FAM83D: variants seen among roughly 807,000 people sequenced by gnomAD.
The protein encoded by FAM83D is protein FAM83D.
In FAM83D, 26 loss-of-function variants were observed where a neutral mutation model predicts 25.4. That is an observed-to-expected ratio of 1.02 (90% CI 0.75 to 1.42). The LOEUF (loss-of-function observed/expected upper bound fraction) is 1.42. FAM83D is among the 40% of genes most tolerant of loss of function. The pLI is 0.00. For synonymous variants in FAM83D, 310 were observed against 318.5 expected (o/e 0.97, Z 0.28); for missense variants, 740 against 758.1 (o/e 0.98, Z 0.28).
Position 38,926,920 on chromosome 20 carries a change from C to T in FAM83D, c.478C>T (p.Arg160Ter). Residue 160 changes from arginine (R) to a stop codon, truncating the protein, a stop_gained, in exon 1 of 4, where the codon CGA becomes TGA. Coordinates refer to ENST00000619850, the MANE Select transcript of FAM83D (RefSeq NM_030919.3). LOFTEE classifies it high-confidence loss of function. ...DALRQQLRSA[R>*]EVIAVVMDVF... ...TCTGCGCCAGCAGCTCCGCTCGGCG[C>T]GAGAGGTGAGCGGCCCTCCAGGGCC... 6.9e-7 allele frequency: 1 copy of T among 1,451,974 alleles called. No individual in the cohort carries two copies. The allele number at this position is 1,451,974 out of a possible 1,614,324, so 89.9% of individuals were successfully genotyped here.
At chr20:38,932,206 C>T (rs1048257042) in intron 1 of FAM83D, among the ~76,000 whole-genome samples, 44 of 152,028 alleles carry the variant, frequency 2.9e-4, no homozygotes, top group African/African-American at 9.9e-4. Flanking sequence ...GGCAACATAG[C>T]GAGATCCCAT....
intron 2 of FAM83D, 138 bp downstream of exon 2, chr20:38,942,264 T>G: frequency 1.1e-6 from 1 of 905,728 alleles, no homozygotes; most frequent in African/African-American, 1.7e-5. Context: ...TTGCCTGGTC[T>G]TACAGAAAAC....
chr20:38,952,625 G>A lies in FAM83D; in HGVS notation c.*105G>A, dbSNP rs1220159958. Reference sequence around the variant, plus strand: ...GTCCCTAATTGCCTTTCTTTTACCTGACTTTGTCACCTTTGTTGTCTTTGA... The same window carrying A: ...GTCCCTAATTGCCTTTCTTTTACCTAACTTTGTCACCTTTGTTGTCTTTGA... On this transcript the variant is annotated 3_prime_UTR_variant, in exon 4 of 4. Coordinates refer to ENST00000619850, the MANE Select transcript of FAM83D (RefSeq NM_030919.3). The A allele has an allele frequency of 1.5e-6, 2 of 1,292,564 alleles. No individual in the cohort carries two copies. Among genetic ancestry groups the A allele is most frequent in the Non-Finnish European group, 2.1e-6 (2 of 934,412 alleles). The allele number at this position is 1,292,564 out of a possible 1,614,324, so 80.1% of individuals were successfully genotyped here. A position where few individuals can be genotyped will look rare whatever the true frequency, so the allele number is the denominator to read the frequency against.
chr20:38,935,205 TA>T (rs2085673780), intron 1 of FAM83D, among the ~76,000 whole-genome samples: 2 of 152,206 alleles, frequency 1.3e-5, no homozygotes, highest in South Asian at 4.1e-4. Context: ...GCAAATGTTT[TA>T]CATACTTATA....
rs2085636053 is a variant in FAM83D, at chr20:38,926,631, T to A, written c.189T>A (p.Asp63Glu). 1.9e-6 allele frequency: 3 copies of A among 1,539,982 alleles called. No individual in the cohort carries two copies. Among genetic ancestry groups the A allele is most frequent in the Non-Finnish European group, 2.6e-6 (3 of 1,148,638 alleles). ...RERLARFLNP[D>E]EVHAILRAAE... ...GCCTGGCTCGTTTCCTGAACCCCGA[T>A]GAGGTGCACGCCATTCTGCGCGCGG... The change falls in exon 1 of 4, where the codon GAT (aspartate) becomes GAA (glutamate). Residue 63 changes from aspartate to glutamate, a missense_variant. Asp to Glu is a conservative substitution (Grantham distance 45). Transcript: ENST00000619850.
chr20:38,944,881 G>T (rs2085720112), intron 2 of FAM83D, among the ~76,000 whole-genome samples: 1 of 151,714 alleles, frequency 6.6e-6, no homozygotes, highest in Admixed American at 6.6e-5. Context: ...AGAGGTTGCA[G>T]TGAGCCGAGA....
intron 1 of FAM83D, among the ~76,000 whole-genome samples, chr20:38,927,310 A>G (rs1390768203): frequency 6.6e-6 from 1 of 152,192 alleles, no homozygotes; most frequent in African/African-American, 2.4e-5. Flanking sequence ...CACTTTCAGG[A>G]GCTTCTTAGG....
In FAM83D at chr20:38,952,258, C is replaced by A; in HGVS notation, c.1496C>A (p.Thr499Asn). ...ACTGGTTCTCCCGCTTCCATCAGAA[C>A]CACTGACTTCCACAATCCTGGCTAT... Reference protein sequence around the residue: ...SSTGSPASIRTTDFHNPGYPK... With the variant: ...SSTGSPASIRNTDFHNPGYPK... The change falls in exon 4 of 4, where the codon ACC (threonine) becomes AAC (asparagine). Residue 499 changes from threonine to asparagine, a missense_variant. Physicochemically the swap from Thr to Asn is moderately conservative, Grantham distance 65. Transcript: ENST00000619850. 1 of 1,614,164 alleles carries A rather than the reference C, an allele frequency of 6.2e-7. No individual in the cohort carries two copies.
At chr20:38,927,939 A>G (rs1314534973) in intron 1 of FAM83D, among the ~76,000 whole-genome samples, 1 of 152,144 alleles carries the variant, frequency 6.6e-6, no homozygotes. Context: ...CTGTATTCAT[A>G]GTGGGTTTTG....
chr20:38,937,937 G>A (rs543131108), intron 1 of FAM83D, among the ~76,000 whole-genome samples: 16 of 152,284 alleles, frequency 1.1e-4, no homozygotes, highest in Middle Eastern at 3.4e-3. Flanking sequence ...CAGCCTGGGC[G>A]ACAGGGTGAA....
intron 1 of FAM83D, among the ~76,000 whole-genome samples, chr20:38,940,952 C>T (rs941606950): frequency 1.3e-5 from 2 of 152,180 alleles, no homozygotes; most frequent in Non-Finnish European, 2.9e-5. Context: ...CTCGATACAA[C>T]CCTATTTTGC....
At chr20:38,939,785 C>T (rs888415660) in intron 1 of FAM83D, among the ~76,000 whole-genome samples, 1 of 152,192 alleles carries the variant, frequency 6.6e-6, no homozygotes, top group East Asian at 1.9e-4. Flanking sequence ...CAGCCCACAG[C>T]GTGCTCTGAG....
At chr20:38,947,222 A>T (rs569410275) in intron 2 of FAM83D, among the ~76,000 whole-genome samples, 39 of 152,370 alleles carry the variant, frequency 2.6e-4, no homozygotes, top group Admixed American at 5.2e-4. Context: ...CATGTGCAGT[A>T]TATTGCCCCA....
chr20:38,929,180 A>G (rs1458459383), intron 1 of FAM83D, among the ~76,000 whole-genome samples: 2 of 87,666 alleles, frequency 2.3e-5, no homozygotes, highest in East Asian at 2.5e-4. Context: ...TCCCTCTCGG[A>G]AAAAAAAAAA....
chr20:38,941,818 A>G (rs905584108), intron 1 of FAM83D, 141 bp from the exon 2 acceptor site: 1 of 805,794 alleles, frequency 1.2e-6, no homozygotes. Context: ...GGGGGGCACC[A>G]ACACTGCAGA....
At chr20:38,941,256 C>T (rs1253589245) in intron 1 of FAM83D, among the ~76,000 whole-genome samples, 1 of 152,104 alleles carries the variant, frequency 6.6e-6, no homozygotes, top group Non-Finnish European at 1.5e-5. Context: ...TTAGAACCTG[C>T]CCAACAGACA....
chr20:38,926,714 G>T lies in FAM83D; in HGVS notation c.272G>T (p.Gly91Val). Residue 91 changes from glycine (G) to valine (V), a missense_variant, in exon 1 of 4, where the codon GGC (glycine) becomes GTC (valine). Coordinates refer to ENST00000619850, the MANE Select transcript of FAM83D (RefSeq NM_030919.3). ...GCGGCGGCGGCCGAGGACTCGTTCG[G>T]CTCCTCGCACGACTGCTCTTCGGGC... ...AAAAAAEDSF[G>V]SSHDCSSGTY... The T allele has an allele frequency of 6.6e-7, 1 of 1,521,610 alleles. No individual in the cohort carries two copies. The highest frequency in any genetic ancestry group is 8.8e-7 in the Non-Finnish European group (1 of 1,141,494). 94.3% of individuals were successfully genotyped at this position (1,521,610 alleles called of 1,614,324 possible). A position where few individuals can be genotyped will look rare whatever the true frequency, so the allele number is the denominator to read the frequency against.
intron 1 of FAM83D, among the ~76,000 whole-genome samples, chr20:38,931,607 C>T (rs2145800141): frequency 6.6e-6 from 1 of 152,368 alleles, no homozygotes; most frequent in Non-Finnish European, 1.5e-5. Flanking sequence ...CTGAGGTGGT[C>T]TGAGGACCAC....
At chr20:38,938,881 G>T (rs1317782671) in intron 1 of FAM83D, among the ~76,000 whole-genome samples, 1 of 152,196 alleles carries the variant, frequency 6.6e-6, no homozygotes, top group Non-Finnish European at 1.5e-5. Flanking sequence ...CAGGTCCTGT[G>T]TTGGAGGAGG....
Sources: allele counts gnomAD v4.1 joint callset (sites outside exome capture counted in the v4.1 genomes callset), GRCh38; gene constraint gnomAD v4.1.1; transcripts MANE v1.5; gene names NCBI Gene and HGNC (gene_info 2026-07-23, HGNC 2026-07-21).